SEMA4D: variants seen among roughly 807,000 people sequenced by gnomAD.
The protein encoded by SEMA4D is semaphorin 4D, also known as semaphorin-4D.
In SEMA4D, 22 loss-of-function variants were observed where a neutral mutation model predicts 74.8. That is an observed-to-expected ratio of 0.29 (90% CI 0.21 to 0.42). The LOEUF (loss-of-function observed/expected upper bound fraction) is 0.42. Ranked by LOEUF, SEMA4D falls within the 10% of genes least tolerant of loss-of-function variation. The pLI is 1.00. For missense variants in SEMA4D, 937 were observed against 1,118.4 expected (o/e 0.84, Z 2.31); for synonymous variants, 445 against 463.7 (o/e 0.96, Z 0.52).
At chr9:89,400,660 T>C (rs138493477) in intron 4 of SEMA4D, among the ~76,000 whole-genome samples, 232 of 152,330 alleles carry the variant, frequency 1.5e-3, no homozygotes, top group African/African-American at 5.5e-3. Flanking sequence ...TCCTTCAGCA[T>C]TTAAAGTACA....
intron 2 of SEMA4D, among the ~76,000 whole-genome samples, chr9:89,444,060 A>G (rs1187561543): frequency 2.0e-5 from 3 of 152,216 alleles, no homozygotes; most frequent in African/African-American, 7.2e-5. Context: ...GGTCCCTGAC[A>G]CGAAGGGTTC....
Position 89,367,790 on chromosome 9 carries a change from C to A in SEMA4D, c.1883-3840G>T, listed in dbSNP as rs536591446. 2.6e-5 allele frequency: 4 copies of A among 152,364 alleles called. No individual in the cohort carries two copies. In the East Asian group the frequency reaches 5.8e-4, roughly 22 times the overall value. The allele number at this position is 152,364 out of a possible 1,614,324, so 9.4% of individuals were successfully genotyped here. A position where few individuals can be genotyped will look rare whatever the true frequency, so the allele number is the denominator to read the frequency against. ...GGTATAAGCAAGGGCCAGGTTTATT[C>A]ACCAGGGCTGGGTTTATTACATCAA... On this transcript the variant is annotated intron_variant, in intron 16 of 18. Coordinates refer to the SEMA4D transcript ENST00000339861.
chr9:89,391,808 C>G (rs1000972915), intron 8 of SEMA4D, among the ~76,000 whole-genome samples: 2 of 152,232 alleles, frequency 1.3e-5, no homozygotes, highest in African/African-American at 4.8e-5. Flanking sequence ...TAAACAAACT[C>G]TAACCACCAG....
At chr9:89,395,052 T>C (rs1394871799) in intron 6 of SEMA4D, among the ~76,000 whole-genome samples, 1 of 152,036 alleles carries the variant, frequency 6.6e-6, no homozygotes, top group African/African-American at 2.4e-5. Flanking sequence ...ACACACACAC[T>C]CCCAATTGTG....
In SEMA4D at chr9:89,381,111, C is replaced by G. The variant is rs201370829; in HGVS notation, c.1620-13G>C. 1.6e-5 allele frequency: 26 copies of G among 1,614,026 alleles called. No individual in the cohort carries two copies. Among genetic ancestry groups the G allele is most frequent in the Non-Finnish European group, 1.9e-5 (23 of 1,180,044 alleles). ...CTGAATCAAACCCCTGCAAAACAAC[C>G]GGCACGTGTTATTCACCCACACACA... is the stretch of plus-strand genomic sequence containing the variant. On this transcript the variant is annotated splice_polypyrimidine_tract_variant and intron_variant, in intron 14 of 15. Transcript: ENST00000422704. The surrounding 1 kb of genome is among the most constrained non-coding windows in gnomAD (Gnocchi z 4.6).
intron 16 of SEMA4D, chr9:89,364,132 G>A (rs1833204193): frequency 3.1e-6 from 4 of 1,310,476 alleles, no homozygotes; most frequent in African/African-American, 2.9e-5. Flanking sequence ...CGGGAGCCTT[G>A]GCCTTGGCCC....
At chr9:89,455,335 C>T (rs1445356250) in intron 2 of SEMA4D, among the ~76,000 whole-genome samples, 2 of 152,232 alleles carry the variant, frequency 1.3e-5, no homozygotes, top group Non-Finnish European at 2.9e-5. Flanking sequence ...TCCACCTCAC[C>T]CCAGCCCAAG....
At chr9:89,400,496 G>C (rs926600623) in intron 4 of SEMA4D, among the ~76,000 whole-genome samples, 1 of 152,214 alleles carries the variant, frequency 6.6e-6, no homozygotes, top group Non-Finnish European at 1.5e-5. Context: ...AGTATGAGGA[G>C]AGGAACCCCA....
At chr9:89,479,957 G>T (rs1189731663) in intron 1 of SEMA4D, 1 of 152,242 alleles carries the variant, frequency 6.6e-6, no homozygotes, top group East Asian at 1.9e-4. Flanking sequence ...CTGATTGGTA[G>T]AGCCGAGTGG....
At chr9:89,365,496 C>T (rs1833494192) in intron 16 of SEMA4D, 1 of 152,268 alleles carries the variant, frequency 6.6e-6, no homozygotes, top group South Asian at 2.1e-4. Context: ...CCGGCCATGG[C>T]CTCTGCTTGA....
chr9:89,373,201 C>G (rs1316019827), downstream of SEMA4D, among the ~76,000 whole-genome samples: 2 of 152,216 alleles, frequency 1.3e-5, no homozygotes, highest in Non-Finnish European at 2.9e-5. Context: ...ATCACCTCCA[C>G]CGCACCCCAC....
intron 18 of SEMA4D, chr9:89,362,513 C>T: frequency 6.2e-7 from 1 of 1,611,276 alleles, no homozygotes; most frequent in Non-Finnish European, 8.5e-7. Flanking sequence ...CATAGCCCAT[C>T]CCAGGCAGAG....
intron 13 of SEMA4D, among the ~76,000 whole-genome samples, chr9:89,383,478 C>G (rs1360384124): frequency 6.6e-6 from 1 of 152,212 alleles, no homozygotes; most frequent in African/African-American, 2.4e-5. Context: ...AAACACCAGA[C>G]TACTCCTCTC....
intron 10 of SEMA4D, 28 bp downstream of exon 10, chr9:89,388,844 G>A (rs1839161552): frequency 1.2e-6 from 2 of 1,609,558 alleles, no homozygotes; most frequent in Non-Finnish European, 1.7e-6. Flanking sequence ...AAGGGAGCAA[G>A]GAGGGGGACT....
At chr9:89,403,305 C>G (rs942742441) in intron 3 of SEMA4D, among the ~76,000 whole-genome samples, 1 of 152,186 alleles carries the variant, frequency 6.6e-6, no homozygotes, top group Non-Finnish European at 1.5e-5. Flanking sequence ...AGTCGGACAT[C>G]CCTTCCTGCT....
chr9:89,394,889 T>A (rs1840602495), intron 6 of SEMA4D, among the ~76,000 whole-genome samples: 1 of 152,312 alleles, frequency 6.6e-6, no homozygotes, highest in East Asian at 1.9e-4. Context: ...TTAGATATAA[T>A]GATAAAACTG....
At chr9:89,483,053 T>C (rs1163862591) in intron 1 of SEMA4D, among the ~76,000 whole-genome samples, 1 of 152,220 alleles carries the variant, frequency 6.6e-6, no homozygotes, top group Non-Finnish European at 1.5e-5. Context: ...ATTTTAAAAA[T>C]CGCCTTCTCA....
Position 89,484,902 on chromosome 9 carries a change from T to C in SEMA4D, c.-310+13017A>G, listed in dbSNP as rs1792018542. On this transcript the variant is annotated intron_variant, in intron 1 of 15. Transcript: ENST00000422704. The surrounding 1 kb of genome is among the most constrained non-coding windows in gnomAD (Gnocchi z 4.1). ...TGGGGGGTATGTGTGTAGTGTGTGG[T>C]ATGGGGTGTGTGGTGTGATGTGTAT... Among the ~76,000 whole-genome samples, 1 of 150,618 alleles carries C rather than the reference T, an allele frequency of 6.6e-6. No individual in the cohort carries two copies. The highest frequency in any genetic ancestry group is 1.5e-5 in the Non-Finnish European group (1 of 67,522).
At chr9:89,365,319 T>A (rs1833460226) in intron 16 of SEMA4D, 1 of 152,332 alleles carries the variant, frequency 6.6e-6, no homozygotes, top group Admixed American at 6.5e-5. Flanking sequence ...CCTACTCTGC[T>A]GCTTCTGTCT....
Sources: allele counts gnomAD v4.1 joint callset (sites outside exome capture counted in the v4.1 genomes callset), GRCh38; gene constraint gnomAD v4.1.1; non-coding constraint Gnocchi (gnomAD v3.1); transcripts MANE v1.5; gene names NCBI Gene and HGNC (gene_info 2026-07-23, HGNC 2026-07-21).